Variants in LIMK1 observed in about 807,000 individuals in gnomAD.
LIMK1 encodes LIM motif-containing protein kinase.
A neutral mutation model predicts 77.6 loss-of-function variants in LIMK1; 21 were observed. The observed-to-expected ratio is 0.27, with a 90% CI of 0.19 to 0.39. The LOEUF (loss-of-function observed/expected upper bound fraction) is 0.39, where lower values mean the gene tolerates loss of function less well. Among genes scored for constraint, LIMK1 ranks in the 10% least tolerant of loss-of-function variants. LIMK1 has a pLI of 1.00. For synonymous variants in LIMK1, 358 were observed against 370.0 expected, an observed-to-expected ratio of 0.97 and a Z score of 0.37; for missense variants, 696 against 901.6, an observed-to-expected ratio of 0.77 and a Z score of 2.92.
At chr7:74,103,242 G>A (rs1485972744) in intron 5 of LIMK1, among the ~76,000 whole-genome samples, 1 of 138,786 alleles carries the variant, frequency 7.2e-6, no homozygotes, top group Non-Finnish European at 1.6e-5. Flanking sequence ...AAAGTAAAAT[G>A]TTTTTCCTTT....
intron 2 of LIMK1, 26 bp downstream of exon 2, chr7:74,085,870 G>T (rs199664135): frequency 1.0e-4 from 158 of 1,520,408 alleles, no homozygotes; most frequent in Non-Finnish European, 1.4e-4. Context: ...CAGGGCCTGT[G>T]TTGCCCTAAA....
At chr7:74,105,284 C>T (rs1799544227) in intron 5 of LIMK1, among the ~76,000 whole-genome samples, 1 of 152,142 alleles carries the variant, frequency 6.6e-6, no homozygotes, top group East Asian at 1.9e-4. Context: ...CTAAGGCGGG[C>T]GGATTGCATG....
intron 12 of LIMK1, 101 bp from the exon 13 acceptor site, chr7:74,115,698 GTTC>G: frequency 7.8e-7 from 1 of 1,285,598 alleles, no homozygotes; most frequent in Non-Finnish European, 1.1e-6. Flanking sequence ...TCAGAGGTAT[GTTC>G]TCTGGGCTGT....
rs371905268 is a variant in LIMK1 at position 74,107,072 on chromosome 7, G to A, written c.944G>A (p.Arg315His). The stretch of plus-strand genomic sequence containing the variant: ...TCACTGGGCTCCCCGGCCTCCCAGC[G>A]CAAGGACCTGGGTCGCTCTGAGTCC... ...AGSLGSPASQ[R>H]KDLGRSESLR... The change falls in exon 8 of 16, where the codon CGC becomes CAC. Residue 315 changes from arginine to histidine, a missense_variant. Physicochemically the swap from Arg to His is conservative, Grantham distance 29. Transcript: ENST00000336180. 2.5e-5 allele frequency: 41 copies of A among 1,608,148 alleles called. No individual in the cohort carries two copies. In the East Asian group the frequency reaches 6.0e-4, roughly 24 times the overall value.
At chr7:74,098,881 G>C in intron 4 of LIMK1, 151 bp from the exon 5 acceptor site, 1 of 639,970 alleles carries the variant, frequency 1.6e-6, no homozygotes, top group Non-Finnish European at 2.7e-6. Flanking sequence ...CTGGGGTGCA[G>C]TGTTGTAATC....
chr7:74,116,788 A>T (rs1206268329), intron 13 of LIMK1, among the ~76,000 whole-genome samples: 1 of 150,330 alleles, frequency 6.7e-6, no homozygotes, highest in Non-Finnish European at 1.5e-5. Flanking sequence ...TGCAGCCTCA[A>T]CCTTCTGGGC....
chr7:74,102,520 G>C (rs1799487174), intron 5 of LIMK1, among the ~76,000 whole-genome samples: 1 of 34,144 alleles, frequency 2.9e-5, no homozygotes, highest in East Asian at 1.7e-3. Context: ...GGGTATCACT[G>C]TCATTGAGGC....
chr7:74,115,199 G>T (rs1554699218), intron 12 of LIMK1, among the ~76,000 whole-genome samples: 1 of 152,116 alleles, frequency 6.6e-6, no homozygotes, highest in African/African-American at 2.4e-5. Flanking sequence ...ACAGTGGGTG[G>T]ATCACCTGAG....
intron 4 of LIMK1, among the ~76,000 whole-genome samples, chr7:74,098,674 G>A (rs178404): frequency 0.63 from 95,322 of 151,884 alleles, 30,765 homozygotes; most frequent in East Asian, 0.79. Flanking sequence ...TGGTGAAACC[G>A]TCTCTACTAA....
rs782378399 is a variant in LIMK1, at chr7:74,099,170, C to T, written c.540C>T (p.Val180=). Residue 180 remains valine (V), a synonymous_variant, in exon 5 of 16, where the codon GTC becomes GTT. Transcript: ENST00000336180. ...ASSHGKRGLS[V]SIDPPHGPPG... The stretch of plus-strand genomic sequence containing the variant: ...CTCATGGCAAGCGTGGACTTTCAGT[C>T]TCCATTGACCCCCCGCACGGCCCAC... The T allele has an allele frequency of 5.6e-6, 9 of 1,613,018 alleles. No individual in the cohort carries two copies. Among genetic ancestry groups the T allele is most frequent in the Middle Eastern group, 1.6e-4 (1 of 6,084 alleles).
At chr7:74,109,065 C>A in intron 10 of LIMK1, 29 bp downstream of exon 10, 1 of 1,564,394 alleles carries the variant, frequency 6.4e-7, no homozygotes, top group Non-Finnish European at 8.7e-7. Context: ...CAGCCACCCC[C>A]GCTGTGCGGC....
In LIMK1 at chr7:74,111,934, C is replaced by T; in HGVS notation, c.1346C>T (p.Ala449Val). The change falls in exon 12 of 16, where the codon GCC becomes GTC. Residue 449 changes from alanine to valine, a missense_variant and splice_region_variant. By Grantham distance (64) the Ala-to-Val change is moderately conservative. This residue lies in a region of LIMK1 where 438 missense variants were observed against 602.3 expected (regional missense o/e 0.73). Coordinates refer to ENST00000336180, the MANE Select transcript of LIMK1 (RefSeq NM_002314.4). ...SFAKDIASGM[A>V]YLHSMNIIHR... ...TGACTCCCGTGTCCCCGTCCCTAGGCCTACCTCCACTCCATGAACATCATC... is the reference window on the plus strand; with the variant it reads ...TGACTCCCGTGTCCCCGTCCCTAGGTCTACCTCCACTCCATGAACATCATC... The T allele has an allele frequency of 6.2e-7, 1 of 1,612,928 alleles. No homozygotes were observed. Among genetic ancestry groups the T allele is most frequent in the East Asian group, 2.2e-5 (1 of 44,868 alleles).
chr7:74,116,776 A>C (rs1799822090), intron 13 of LIMK1, among the ~76,000 whole-genome samples: 2 of 148,662 alleles, frequency 1.3e-5, no homozygotes, highest in Admixed American at 6.8e-5. Flanking sequence ...ACCATAGCTC[A>C]CTGCAGCCTC....
chr7:74,096,786 C>T (rs1554695705), intron 3 of LIMK1, 26 bp downstream of exon 3: 2 of 1,565,596 alleles, frequency 1.3e-6, no homozygotes, highest in Admixed American at 1.8e-5. Context: ...CTTGCACACT[C>T]ACCTGGGGTG....
intron 13 of LIMK1, among the ~76,000 whole-genome samples, chr7:74,118,401 C>T (rs1799863549): frequency 6.6e-6 from 1 of 150,602 alleles, no homozygotes; most frequent in African/African-American, 2.4e-5. Flanking sequence ...CACACACACA[C>T]ACACACACAC....
rs1799341235 is a variant in LIMK1 at position 74,096,618 on chromosome 7, G to T, written c.153-4G>T. 2 of 1,613,998 alleles carry T rather than the reference G, an allele frequency of 1.2e-6. No individual in the cohort carries two copies. The highest frequency in any genetic ancestry group is 1.7e-6 in the Non-Finnish European group (2 of 1,180,016). Reference sequence around the variant, plus strand: ...GACGTCTCAGCCCGGCCCCTCTCCTGCAGGTGTTGTGACTGCAGTGCCTCC... The same window carrying T: ...GACGTCTCAGCCCGGCCCCTCTCCTTCAGGTGTTGTGACTGCAGTGCCTCC... On this transcript the variant is annotated splice_region_variant and splice_polypyrimidine_tract_variant and intron_variant, in intron 2 of 15. Transcript: ENST00000336180.
intron 13 of LIMK1, among the ~76,000 whole-genome samples, chr7:74,117,513 A>T (rs1799840153): frequency 6.6e-6 from 1 of 152,102 alleles, no homozygotes; most frequent in Admixed American, 6.6e-5. Flanking sequence ...TGCTTCCCTC[A>T]GTCCATTTCT....
intron 2 of LIMK1, among the ~76,000 whole-genome samples, chr7:74,089,117 G>T (rs1225058734): frequency 6.6e-6 from 1 of 152,222 alleles, no homozygotes; most frequent in Non-Finnish European, 1.5e-5. Flanking sequence ...TGCCCAGTTT[G>T]CATGGGAGAA....
chr7:74,103,453 A>G (rs1799507808), intron 5 of LIMK1, among the ~76,000 whole-genome samples: 1 of 152,124 alleles, frequency 6.6e-6, no homozygotes, highest in Non-Finnish European at 1.5e-5. Context: ...TTGGCCTGAT[A>G]CTGCATAAGT....
Sources: allele counts gnomAD v4.1 joint callset (sites outside exome capture counted in the v4.1 genomes callset), GRCh38; gene constraint gnomAD v4.1.1; regional missense constraint gnomAD v4.1.1; transcripts MANE v1.5; gene names NCBI Gene and HGNC (gene_info 2026-07-23, HGNC 2026-07-21).